The following ROBO1 variants were observed in gnomAD, a reference collection of about 807,000 sequenced individuals.
ROBO1 encodes the protein roundabout guidance receptor 1.
In ROBO1, 149 loss-of-function variants were observed where a neutral mutation model predicts 195.9. That is an observed-to-expected ratio of 0.76 (90% confidence interval 0.67 to 0.87). The LOEUF (loss-of-function observed/expected upper bound fraction) is 0.87. ROBO1 is among the 40% of genes least tolerant of loss of function. The pLI, the probability that ROBO1 is intolerant of heterozygous loss-of-function variation, is 0.00. For synonymous variants in ROBO1, 816 were observed against 733.2 expected (o/e 1.11, Z -1.82); for missense variants, 1,933 against 2,068.3 (o/e 0.93, Z 1.27).
At chr3:79,577,023 G>A (rs913184306) in intron 2 of ROBO1, among the ~76,000 whole-genome samples, 1 of 151,944 alleles carries the variant, frequency 6.6e-6, no homozygotes, top group African/African-American at 2.4e-5. Flanking sequence ...TACATAAATT[G>A]TCTCTGGTCT....
At chr3:78,600,009 G>T in intron 30 of ROBO1, 104 bp downstream of exon 30, 1 of 945,212 alleles carries the variant, frequency 1.1e-6, no homozygotes, top group Non-Finnish European at 1.7e-6. Context: ...GTACTGAAAA[G>T]TTTGCAATAA....
At chr3:78,761,916 T>C (rs1045128884) in intron 4 of ROBO1, among the ~76,000 whole-genome samples, 7 of 152,204 alleles carry the variant, frequency 4.6e-5, no homozygotes, top group Non-Finnish European at 7.4e-5. Flanking sequence ...CTTTCTCACA[T>C]TGTAAATGTT....
At chr3:79,646,007 G>A (rs1175747379) in intron 1 of ROBO1, among the ~76,000 whole-genome samples, 1 of 152,032 alleles carries the variant, frequency 6.6e-6, no homozygotes, top group African/African-American at 2.4e-5. Flanking sequence ...AACAATCCAG[G>A]ACATTGCTCT....
At chr3:79,575,158 A>T (rs1438832722) in intron 2 of ROBO1, among the ~76,000 whole-genome samples, 12 of 122,128 alleles carry the variant, frequency 9.8e-5, no homozygotes, top group African/African-American at 3.4e-4. Flanking sequence ...AAATATATAT[A>T]TAACAAATAT....
chr3:79,711,367 G>A (rs2107229069), intron 1 of ROBO1, among the ~76,000 whole-genome samples: 1 of 152,242 alleles, frequency 6.6e-6, no homozygotes, highest in Non-Finnish European at 1.5e-5. Context: ...AATCACTGAA[G>A]ATGTTAAGTA....
At chr3:78,895,292 T>C (rs935672973) in intron 4 of ROBO1, among the ~76,000 whole-genome samples, 1 of 151,258 alleles carries the variant, frequency 6.6e-6, no homozygotes, top group African/African-American at 2.4e-5. Flanking sequence ...GCTTTAAACA[T>C]AAATAGAAAA....
intron 1 of ROBO1, among the ~76,000 whole-genome samples, chr3:79,748,286 T>A (rs939778136): frequency 1.3e-5 from 2 of 152,180 alleles, no homozygotes; most frequent in African/African-American, 2.4e-5. Flanking sequence ...GGTTATAAAG[T>A]AATAATGAAC....
At chr3:79,101,610 T>C (rs1407155407) in intron 3 of ROBO1, among the ~76,000 whole-genome samples, 1 of 151,816 alleles carries the variant, frequency 6.6e-6, no homozygotes, top group Non-Finnish European at 1.5e-5. Flanking sequence ...GGTTTTACTC[T>C]TGGCAGAGCT....
intron 3 of ROBO1, among the ~76,000 whole-genome samples, chr3:79,089,670 G>A (rs2079439604): frequency 6.6e-6 from 1 of 152,008 alleles, no homozygotes; most frequent in South Asian, 2.1e-4. Flanking sequence ...CACATTCTCA[G>A]GAAGATTACA....
chr3:79,520,293 C>T (rs1194589989), intron 2 of ROBO1, among the ~76,000 whole-genome samples: 1 of 152,034 alleles, frequency 6.6e-6, no homozygotes, highest in Non-Finnish European at 1.5e-5. Context: ...TAACCTTAGG[C>T]TGTGAGATCT....
intron 1 of ROBO1, among the ~76,000 whole-genome samples, chr3:79,706,487 G>A (rs1947773073): frequency 1.3e-5 from 2 of 152,034 alleles, no homozygotes; most frequent in South Asian, 4.1e-4. Flanking sequence ...ACACATCTGA[G>A]ATAAATCCTA....
At chr3:79,706,271 G>A (rs754878350) in intron 1 of ROBO1, among the ~76,000 whole-genome samples, 1 of 152,086 alleles carries the variant, frequency 6.6e-6, no homozygotes, top group Non-Finnish European at 1.5e-5. Context: ...GATTAAGTAT[G>A]AGTTTGTGTA....
intron 2 of ROBO1, among the ~76,000 whole-genome samples, chr3:79,281,501 C>T (rs911111240): frequency 1.3e-5 from 2 of 151,940 alleles, no homozygotes; most frequent in African/African-American, 4.8e-5. Flanking sequence ...AAATGTTAAG[C>T]TTGAAAAGAA....
chr3:79,549,092 A>G (rs1245599473), intron 2 of ROBO1, among the ~76,000 whole-genome samples: 1 of 152,124 alleles, frequency 6.6e-6, no homozygotes, highest in Admixed American at 6.6e-5. Flanking sequence ...CCTGTTAAAT[A>G]ATCATGGTCT....
chr3:79,604,984 G>T (rs953996811), intron 1 of ROBO1, among the ~76,000 whole-genome samples: 1 of 151,938 alleles, frequency 6.6e-6, no homozygotes, highest in Admixed American at 6.6e-5. Flanking sequence ...AAGAAGAGTT[G>T]TCTCTACTCA....
intron 2 of ROBO1, among the ~76,000 whole-genome samples, chr3:79,330,671 GAAAAAAAAAAAA>G (rs34923136): frequency 2.6e-5 from 2 of 77,400 alleles, no homozygotes; most frequent in African/African-American, 1.1e-4. Context: ...GGAACTTAGG[GAAAAAAAAAAAA>G]AAAAAAAAAA....
chr3:78,884,682 A>C (rs1354756983), intron 4 of ROBO1, among the ~76,000 whole-genome samples: 1 of 146,228 alleles, frequency 6.8e-6, no homozygotes, highest in Non-Finnish European at 1.5e-5. Context: ...GAAGGAAGGA[A>C]GGAAGGAAGG....
At chr3:79,450,146 G>A (rs1216860310) in intron 2 of ROBO1, among the ~76,000 whole-genome samples, 4 of 151,772 alleles carry the variant, frequency 2.6e-5, no homozygotes, top group Non-Finnish European at 4.4e-5. Flanking sequence ...AAAGACTGGG[G>A]TAAGGATAGG....
intron 1 of ROBO1, among the ~76,000 whole-genome samples, chr3:79,620,773 C>T (rs563123043): frequency 6.6e-6 from 1 of 152,098 alleles, no homozygotes; most frequent in Non-Finnish European, 1.5e-5. Context: ...AAAATCTAAT[C>T]ACCCTTACCC....
Sources: allele counts gnomAD v4.1 joint callset (sites outside exome capture counted in the v4.1 genomes callset), GRCh38; gene constraint gnomAD v4.1.1; transcripts MANE v1.5; gene names NCBI Gene and HGNC (gene_info 2026-07-23, HGNC 2026-07-21).